Variants in PCDHGB5 observed in about 807,000 individuals in gnomAD.
PCDHGB5 encodes the protein protocadherin gamma subfamily B, 5.
A neutral mutation model predicts 62.9 loss-of-function variants in PCDHGB5; 48 were observed. That is an observed-to-expected ratio of 0.76 (90% CI 0.61 to 0.97). The LOEUF (loss-of-function observed/expected upper bound fraction) is 0.97, where lower values mean the gene tolerates loss of function less well. Among genes scored for constraint, PCDHGB5 ranks in the 50% least tolerant of loss-of-function variants. The pLI, the probability that PCDHGB5 is intolerant of heterozygous loss-of-function variation, is 0.00. For missense variants in PCDHGB5, 1,118 were observed against 1,198.6 expected (o/e 0.93, Z 0.99); for synonymous variants, 474 against 511.2 (o/e 0.93, Z 0.98).
In PCDHGB5 at chr5:141,432,695, G is replaced by A. The variant is rs1275179569; in HGVS notation, c.2397+32171G>A. ...GCTCAAGCAGAGCCTCGTAGTGGCC[G>A]TCCAGGACCACGGCCAGCCCCCTCT... On this transcript the variant is annotated intron_variant, in intron 1 of 3. Coordinates refer to ENST00000617380, the MANE Select transcript of PCDHGB5 (RefSeq NM_018925.3). This position sits in a 1 kb window ranked among gnomAD's most constrained non-coding sequence, Gnocchi z 6.0. The A allele has an allele frequency of 3.1e-6, 5 of 1,613,822 alleles. No homozygotes were observed. The highest frequency in any genetic ancestry group is 1.7e-5 in the Admixed American group (1 of 60,002).
intron 1 of PCDHGB5, chr5:141,419,386 G>T: frequency 2.5e-6 from 4 of 1,613,650 alleles, no homozygotes; most frequent in Non-Finnish European, 3.4e-6. Context: ...CCGTGAGCGC[G>T]CAGAGCGGGG....
chr5:141,472,856 C>T (rs1251907207), intron 1 of PCDHGB5, among the ~76,000 whole-genome samples: 5 of 150,296 alleles, frequency 3.3e-5, no homozygotes, highest in East Asian at 2.0e-4. Flanking sequence ...CATGGTGGCA[C>T]ATGCCTGTAT....
At chr5:141,420,208 A>G (rs1396340813) in intron 1 of PCDHGB5, 1 of 1,612,970 alleles carries the variant, frequency 6.2e-7, no homozygotes, top group Non-Finnish European at 8.5e-7. Flanking sequence ...ACCTCAACAA[A>G]GATAGCATGC....
Position 141,399,511 on chromosome 5 carries a change from C to T in PCDHGB5, c.1384C>T (p.Pro462Ser). Residue 462 changes from proline to serine, a missense_variant, in exon 1 of 4, where the codon CCT becomes TCT. Transcript: ENST00000617380. ...SYLVSVPENN[P>S]PGASIAQVCA... ...CTTAGTCAGTGTACCCGAAAACAAC[C>T]CTCCTGGGGCCTCCATCGCGCAAGT... 1 of 1,614,042 alleles carries T rather than the reference C, an allele frequency of 6.2e-7. No homozygotes were observed. The highest frequency in any genetic ancestry group is 8.5e-7 in the Non-Finnish European group (1 of 1,179,904).
rs376621545 is a variant in PCDHGB5, at chr5:141,422,143, G to A, written c.2397+21619G>A. The stretch of plus-strand genomic sequence containing the variant: ...ACAAACTGGAGAAGTTCAAGTACGG[G>A]GGTCTCTGGATTTTGAAAAATATAG... On this transcript the variant is annotated intron_variant, in intron 1 of 3. Transcript: ENST00000617380. 36 of 1,583,638 alleles carry A rather than the reference G, an allele frequency of 2.3e-5. No individual in the cohort carries two copies. The African/African-American group carries it at 3.8e-4, about 17-fold the overall frequency.
rs1048081343 is a variant in PCDHGB5 at position 141,432,618 on chromosome 5, G to C, written c.2397+32094G>C. 6.2e-7 allele frequency: 1 copy of C among 1,612,806 alleles called. No individual in the cohort carries two copies. Among genetic ancestry groups the C allele is most frequent in the South Asian group, 1.1e-5 (1 of 90,950 alleles). ...AGCGAGCCGGGACTCTTCTCGGTGG[G>C]TCTGCACACGGGCGAGGTGCGCACG... On this transcript the variant is annotated intron_variant, in intron 1 of 3. Transcript: ENST00000617380. The surrounding 1 kb of genome is among the most constrained non-coding windows in gnomAD (Gnocchi z 6.0).
chr5:141,421,383 C>A lies in PCDHGB5; in HGVS notation c.2397+20859C>A, dbSNP rs754951142. The A allele has an allele frequency of 2.5e-6, 4 of 1,614,034 alleles. 1 individual carries two copies. The highest frequency in any genetic ancestry group is 8.5e-7 in the Non-Finnish European group (1 of 1,179,910). On this transcript the variant is annotated intron_variant, in intron 1 of 3. Transcript: ENST00000617380. ...CCTTCGTGGGCAATATCTCCAAGGA[C>A]CTGGGGCTGGAGCCCCGGGAGCTGG...
intron 1 of PCDHGB5, chr5:141,409,784 T>G: frequency 3.1e-6 from 5 of 1,612,248 alleles, no homozygotes; most frequent in Non-Finnish European, 4.2e-6. Flanking sequence ...GCTGCGCGCC[T>G]TCGCGCTCAC....
chr5:141,489,425 G>A lies in PCDHGB5; in HGVS notation c.2398-5382G>A, dbSNP rs779739693. 18 of 1,614,000 alleles carry A rather than the reference G, an allele frequency of 1.1e-5. No homozygotes were observed. Among genetic ancestry groups the A allele is most frequent in the South Asian group, 5.5e-5 (5 of 91,074 alleles). The stretch of plus-strand genomic sequence containing the variant: ...TTAAAGATGACAGATCTGTTGAGCC[G>A]GCGGCTGCAATTGGGCTCTGAGGAG... On this transcript the variant is annotated intron_variant, in intron 1 of 3. Transcript: ENST00000617380. This position sits in a 1 kb window ranked among gnomAD's most constrained non-coding sequence, Gnocchi z 4.5.
intron 1 of PCDHGB5, chr5:141,408,288 T>C (rs755091342): frequency 6.2e-7 from 1 of 1,613,234 alleles, no homozygotes; most frequent in Non-Finnish European, 8.5e-7. Context: ...TACCCCACCC[T>C]GAGTGAGCCG....
Position 141,489,828 on chromosome 5 carries a change from A to G in PCDHGB5, c.2398-4979A>G. The G allele has an allele frequency of 1.9e-6, 3 of 1,614,010 alleles. No homozygotes were observed. The highest frequency in any genetic ancestry group is 1.1e-5 in the South Asian group (1 of 91,080). ...GGAAGCCATTCCCAGAGCTGGTGCTAGAGCAGCAGCTGGATCGTGAAGCCC... is the reference window on the plus strand; with the variant it reads ...GGAAGCCATTCCCAGAGCTGGTGCTGGAGCAGCAGCTGGATCGTGAAGCCC... On this transcript the variant is annotated intron_variant, in intron 1 of 3. Transcript: ENST00000617380. The surrounding 1 kb of genome is among the most constrained non-coding windows in gnomAD (Gnocchi z 4.5).
At chr5:141,441,005 C>T (rs772059231) in intron 1 of PCDHGB5, 1 of 152,116 alleles carries the variant, frequency 6.6e-6, no homozygotes, top group Non-Finnish European at 1.5e-5. Context: ...CTAGTTTGGC[C>T]TTGATCAAAT....
rs1427742903 is a variant in PCDHGB5 at position 141,477,916 on chromosome 5, A to G, written c.2398-16891A>G. On this transcript the variant is annotated intron_variant, in intron 1 of 3. Coordinates refer to ENST00000617380, the MANE Select transcript of PCDHGB5 (RefSeq NM_018925.3). This position sits in a 1 kb window ranked among gnomAD's most constrained non-coding sequence, Gnocchi z 4.9. ...GGGTGGTAGGCTGGGACGCGGATGC[A>G]GGGCACAATGCCTGGCTCTCCTACA... The G allele has an allele frequency of 1.2e-6, 2 of 1,614,042 alleles. No homozygotes were observed. The highest frequency in any genetic ancestry group is 2.7e-5 in the African/African-American group (2 of 74,932).
intron 1 of PCDHGB5, chr5:141,403,965 A>G: frequency 6.2e-7 from 1 of 1,613,864 alleles, no homozygotes; most frequent in Non-Finnish European, 8.5e-7. Flanking sequence ...ATTTCGGTGG[A>G]AGATGTAAAT....
At chr5:141,422,934 C>T in intron 1 of PCDHGB5, 1 of 1,614,254 alleles carries the variant, frequency 6.2e-7, no homozygotes, top group Non-Finnish European at 8.5e-7. Context: ...CTGCCCTCCC[C>T]ACAGACGGCT....
chr5:141,418,178 G>A, intron 1 of PCDHGB5: 1 of 1,614,080 alleles, frequency 6.2e-7, no homozygotes, highest in Non-Finnish European at 8.5e-7. Flanking sequence ...GTTGCAATTG[G>A]AAGCTGTGGT....
At chr5:141,502,525 G>A (rs1258704254) in intron 2 of PCDHGB5, among the ~76,000 whole-genome samples, 1 of 152,074 alleles carries the variant, frequency 6.6e-6, no homozygotes, top group Non-Finnish European at 1.5e-5. Flanking sequence ...CAGTGATGCC[G>A]AGTTTGTTCG....
At chr5:141,480,240 C>CA (rs11374694) in intron 1 of PCDHGB5, among the ~76,000 whole-genome samples, 21,591 of 113,808 alleles carry the variant, frequency 0.19, 1,578 homozygotes, top group Admixed American at 0.21. Context: ...CCTGTCTCTA[C>CA]AAAAAAAAAA....
Position 141,485,166 on chromosome 5 carries a change from C to T in PCDHGB5, c.2398-9641C>T, listed in dbSNP as rs1180453938. 2 of 1,606,374 alleles carry T rather than the reference C, an allele frequency of 1.2e-6. No individual in the cohort carries two copies. Among genetic ancestry groups the T allele is most frequent in the Non-Finnish European group, 8.5e-7 (1 of 1,174,214 alleles). ...CAGGAGCAAGTAGAGAATTAGCGGG[C>T]GGCAGCAATGCTCCGCAAGGTGAGA... On this transcript the variant is annotated intron_variant, in intron 1 of 3. Transcript: ENST00000617380. The surrounding 1 kb of genome is among the most constrained non-coding windows in gnomAD (Gnocchi z 5.7).
Sources: allele counts gnomAD v4.1 joint callset (sites outside exome capture counted in the v4.1 genomes callset), GRCh38; gene constraint gnomAD v4.1.1; non-coding constraint Gnocchi (gnomAD v3.1); transcripts MANE v1.5; gene names NCBI Gene and HGNC (gene_info 2026-07-23, HGNC 2026-07-21).